The following FRMPD4 variants were observed in gnomAD, a reference collection of about 807,000 sequenced individuals.
FRMPD4 encodes the protein FERM and PDZ domain-containing protein 4.
A neutral mutation model predicts 94.1 loss-of-function variants in FRMPD4; 22 were observed. The observed-to-expected ratio is 0.23, with a 90% confidence interval of 0.17 to 0.33. The LOEUF is 0.33. Among genes scored for constraint, FRMPD4 ranks in the 10% least tolerant of loss-of-function variants. The probability of loss-of-function intolerance (pLI) is 1.00; values close to 1 mark genes in which losing one functional copy is unlikely to be tolerated. For synonymous variants in FRMPD4, 631 were observed against 548.6 expected (o/e 1.15, Z -2.10); for missense variants, 1,111 against 1,339.9 (o/e 0.83, Z 2.67).
intron 1 of FRMPD4, among the ~76,000 whole-genome samples, chrX:12,187,212 G>T (rs17328045): frequency 0.13 from 14,737 of 111,331 alleles, 720 homozygotes; most frequent in South Asian, 0.33. Flanking sequence ...GTACTTCTCA[G>T]TGGGATTCCA....
intron 3 of FRMPD4, among the ~76,000 whole-genome samples, chrX:12,109,826 T>C (rs776295831): frequency 1.8e-5 from 2 of 111,850 alleles, no homozygotes; most frequent in Admixed American, 1.9e-4. Flanking sequence ...CTAGAAGAAA[T>C]TGATAAATTC....
intron 3 of FRMPD4, among the ~76,000 whole-genome samples, chrX:12,073,207 T>C (rs1294467087): frequency 3.6e-5 from 4 of 111,365 alleles, no homozygotes; most frequent in African/African-American, 1.3e-4. Context: ...CTCTTGCACA[T>C]CCTCCTTGTA....
intron 1 of FRMPD4, among the ~76,000 whole-genome samples, chrX:12,274,994 G>A (rs2054413997): frequency 8.9e-6 from 1 of 112,154 alleles, no homozygotes; most frequent in Non-Finnish European, 1.9e-5. Context: ...GGGCAACAGA[G>A]CGAGACTCCA....
chrX:12,351,587 C>G, intron 1 of FRMPD4, among the ~76,000 whole-genome samples: 1 of 112,667 alleles, frequency 8.9e-6, no homozygotes, highest in Non-Finnish European at 1.9e-5. Context: ...TAAGCACACA[C>G]TTGCTTGCAG....
chrX:12,280,247 AAATAAT>A (rs374670611), intron 1 of FRMPD4, among the ~76,000 whole-genome samples: 48 of 102,208 alleles, frequency 4.7e-4, no homozygotes, highest in Middle Eastern at 5.0e-3. Flanking sequence ...GGCTGCTTTA[AAATAAT>A]AATAATAATA....
rs139223994 is a variant in FRMPD4, at chrX:12,259,225, G to A, written c.41+120213G>A. On this transcript the variant is annotated intron_variant, in intron 1 of 16. Transcript: ENST00000675598. ...CACCTGGCTCCCAAGCGGGGGGTGCGTCCATTCTAGCCATCCAGAAGTGGA... is the reference window on the plus strand; with the variant it reads ...CACCTGGCTCCCAAGCGGGGGGTGCATCCATTCTAGCCATCCAGAAGTGGA... 4.1e-3 allele frequency among the ~76,000 whole-genome samples: 456 copies of A among 111,601 alleles called. 1 individual carries two copies. Among genetic ancestry groups the A allele is most frequent in the Non-Finnish European group, 7.2e-3 (381 of 53,101 alleles).
intron 1 of FRMPD4, among the ~76,000 whole-genome samples, chrX:11,833,362 G>T (rs764378380): frequency 1.1e-4 from 12 of 112,109 alleles, no homozygotes; most frequent in Non-Finnish European, 2.3e-4. Context: ...AAATACCAAA[G>T]AGTATGATTT....
At chrX:11,905,893 T>G (rs1209257309) in intron 3 of FRMPD4, among the ~76,000 whole-genome samples, 2 of 111,334 alleles carry the variant, frequency 1.8e-5, no homozygotes, top group Non-Finnish European at 3.8e-5. Flanking sequence ...TAAAAAAGTT[T>G]AATGAGGTAT....
rs185173673 is a variant in FRMPD4 at position 12,546,641 on chromosome X, A to G, written c.158+47845A>G. On this transcript the variant is annotated intron_variant, in intron 2 of 16. Transcript: ENST00000675598. Reference sequence around the variant, plus strand: ...GTGGCAAAATTTCAGGCCAACCTATAAGAGGTACCTGGTTAATATATAATA... The same window carrying G: ...GTGGCAAAATTTCAGGCCAACCTATGAGAGGTACCTGGTTAATATATAATA... Among the ~76,000 whole-genome samples the G allele has an allele frequency of 1.8e-4, 20 of 112,079 alleles. No individual in the cohort carries two copies. The East Asian group carries it at 3.9e-3, about 22-fold the overall frequency.
At chrX:12,646,163 T>G (rs893700326) in intron 4 of FRMPD4, among the ~76,000 whole-genome samples, 3 of 112,464 alleles carry the variant, frequency 2.7e-5, no homozygotes, top group Non-Finnish European at 5.6e-5. Context: ...GGATACATAC[T>G]TTTGAAAAGT....
intron 1 of FRMPD4, among the ~76,000 whole-genome samples, chrX:12,197,392 A>ATATC (rs1443080212): frequency 8.9e-6 from 1 of 111,930 alleles, no homozygotes; most frequent in Non-Finnish European, 1.9e-5. Flanking sequence ...TAGCACTTAG[A>ATATC]TATTTGGAAG....
chrX:12,328,365 T>A (rs760259390), intron 1 of FRMPD4, among the ~76,000 whole-genome samples: 1 of 112,003 alleles, frequency 8.9e-6, no homozygotes, highest in Admixed American at 9.5e-5. Flanking sequence ...CAGGGCTAGA[T>A]TGCTGGAAGA....
At chrX:12,705,557 TCAACA>T (rs1362573167) in intron 11 of FRMPD4, among the ~76,000 whole-genome samples, 1 of 111,374 alleles carries the variant, frequency 9.0e-6, no homozygotes, top group African/African-American at 3.3e-5. Flanking sequence ...ATAATCAGTT[TCAACA>T]CACTATCAGC....
intron 1 of FRMPD4, among the ~76,000 whole-genome samples, chrX:12,379,260 G>A (rs147095263): frequency 3.9e-3 from 442 of 111,985 alleles, no homozygotes; most frequent in African/African-American, 0.013. Flanking sequence ...TATAAATTCC[G>A]TGCAAGTAAT....
chrX:11,860,638 A>C (rs922836990), intron 1 of FRMPD4, among the ~76,000 whole-genome samples: 6 of 112,319 alleles, frequency 5.3e-5, no homozygotes, highest in Non-Finnish European at 5.6e-5. Context: ...GATATTTAAA[A>C]TAGGTGAATT....
intron 1 of FRMPD4, among the ~76,000 whole-genome samples, chrX:12,302,092 T>C (rs951797427): frequency 4.5e-5 from 5 of 112,165 alleles, no homozygotes; most frequent in African/African-American, 9.7e-5. Context: ...AGTCCCAAGA[T>C]AACCACTTCA....
At chrX:12,046,284 A>C (rs940519594) in intron 3 of FRMPD4, among the ~76,000 whole-genome samples, 2 of 111,502 alleles carry the variant, frequency 1.8e-5, no homozygotes, top group Non-Finnish European at 3.8e-5. Context: ...AGTAACAAAC[A>C]TTGTGTAAGG....
intron 1 of FRMPD4, among the ~76,000 whole-genome samples, chrX:12,438,870 T>C (rs2057100338): frequency 9.0e-6 from 1 of 111,192 alleles, no homozygotes; most frequent in Admixed American, 9.5e-5. Context: ...AGGTAGAAAC[T>C]ATGATTTCCA....
intron 1 of FRMPD4, among the ~76,000 whole-genome samples, chrX:12,153,119 G>T (rs953508997): frequency 1.5e-4 from 17 of 110,162 alleles, no homozygotes; most frequent in Non-Finnish European, 2.5e-4. Flanking sequence ...TGTATTTTTA[G>T]TAGAGACGGG....
Sources: gnomAD v4.1 joint callset for allele counts (sites outside exome capture counted in the v4.1 genomes callset) on GRCh38, gnomAD v4.1.1 for gene constraint, MANE v1.5 for transcripts, NCBI Gene and HGNC (gene_info 2026-07-23, HGNC 2026-07-21) for gene names.